Variants in CLDN14 observed in about 807,000 individuals in gnomAD.
The protein encoded by CLDN14 is claudin 14, also known as claudin-14.
A neutral mutation model predicts 2.1 loss-of-function variants in CLDN14; 2 were observed. The observed-to-expected ratio is 0.96, with a 90% CI of 0.39 to 3.01. The LOEUF is 3.01. Among genes scored for constraint, CLDN14 ranks in the 30% most tolerant of loss-of-function variants. The pLI is 0.09. For missense variants in CLDN14, 298 were observed against 328.0 expected (o/e 0.91, Z 0.71); for synonymous variants, 136 against 154.4 (o/e 0.88, Z 0.88).
chr21:36,483,299 T>G (rs2086865685), upstream of CLDN14, among the ~76,000 whole-genome samples: 1 of 152,164 alleles, frequency 6.6e-6, no homozygotes, highest in African/African-American at 2.4e-5. Flanking sequence ...CAGGAGGCCC[T>G]GAGGAGCGAG....
At chr21:36,546,368 C>T (rs1356552944) in intron 1 of CLDN14, among the ~76,000 whole-genome samples, 2 of 152,144 alleles carry the variant, frequency 1.3e-5, no homozygotes, top group Non-Finnish European at 2.9e-5. Flanking sequence ...TTTGAGAGTT[C>T]ATGGCTAGAA....
intron 1 of CLDN14, among the ~76,000 whole-genome samples, chr21:36,521,724 G>A (rs1310379427): frequency 6.6e-6 from 1 of 152,168 alleles, no homozygotes; most frequent in South Asian, 2.1e-4. Context: ...GACTGGAGAA[G>A]GCAAATGGTA....
chr21:36,565,723 T>G (rs2146526543), intron 1 of CLDN14, among the ~76,000 whole-genome samples: 1 of 152,304 alleles, frequency 6.6e-6, no homozygotes, highest in African/African-American at 2.4e-5. Flanking sequence ...GAGAGCAAAT[T>G]GGCCCCTACC....
At chr21:36,479,352 G>C (rs575958804) in intron 1 of CLDN14, 143 bp downstream of exon 1, 13 of 152,232 alleles carry the variant, frequency 8.5e-5, no homozygotes, top group African/African-American at 3.1e-4. Flanking sequence ...TCCTGTAGGG[G>C]CCAGCACGGT....
chr21:36,572,453 G>T (rs573415627), intron 1 of CLDN14, among the ~76,000 whole-genome samples: 1 of 152,250 alleles, frequency 6.6e-6, no homozygotes, highest in East Asian at 1.9e-4. Context: ...ACCCAGGTCT[G>T]CATGCTGGCC....
chr21:36,488,122 A>G, intron 2 of CLDN14, among the ~76,000 whole-genome samples: 1 of 152,220 alleles, frequency 6.6e-6, no homozygotes, highest in East Asian at 1.9e-4. Flanking sequence ...ATCCAGCCAG[A>G]AAAAGGAAGT....
At chr21:36,473,284 A>C (rs2146436108) in intron 1 of CLDN14, among the ~76,000 whole-genome samples, 1 of 152,216 alleles carries the variant, frequency 6.6e-6, no homozygotes, top group Non-Finnish European at 1.5e-5. Context: ...TGGAGGTCCC[A>C]CTATGTTGCC....
chr21:36,469,658 T>G (rs2086686269), intron 1 of CLDN14, among the ~76,000 whole-genome samples: 1 of 152,190 alleles, frequency 6.6e-6, no homozygotes. Flanking sequence ...AAACCATGGA[T>G]GCAGTTAAAT....
intron 2 of CLDN14, among the ~76,000 whole-genome samples, chr21:36,493,689 C>T (rs530324812): frequency 2.8e-4 from 43 of 152,196 alleles, no homozygotes; most frequent in African/African-American, 7.2e-4. Flanking sequence ...CATTGTGGAG[C>T]GGGAGCCTCT....
intron 1 of CLDN14, among the ~76,000 whole-genome samples, chr21:36,469,654 T>C (rs768101447): frequency 6.6e-6 from 1 of 152,164 alleles, no homozygotes; most frequent in Non-Finnish European, 1.5e-5. Context: ...ATGAAAACCA[T>C]GGATGCAGTT....
chr21:36,500,424 A>AT (rs1181815480), intron 2 of CLDN14, among the ~76,000 whole-genome samples: 3 of 152,134 alleles, frequency 2.0e-5, no homozygotes, highest in Non-Finnish European at 2.9e-5. Context: ...CATTCCATTC[A>AT]TTTTTTTAAA....
At chr21:36,519,663 T>G (rs779094802) in intron 1 of CLDN14, among the ~76,000 whole-genome samples, 6 of 152,068 alleles carry the variant, frequency 3.9e-5, no homozygotes, top group Non-Finnish European at 5.9e-5. Flanking sequence ...TGAGCTGAGA[T>G]CGCGCCACTG....
chr21:36,547,525 C>A (rs537192382), intron 1 of CLDN14, among the ~76,000 whole-genome samples: 1 of 152,156 alleles, frequency 6.6e-6, no homozygotes, highest in Non-Finnish European at 1.5e-5. Context: ...GGCTCAGCAG[C>A]GCCCGGGCCA....
chr21:36,529,020 C>T (rs1378473023), intron 1 of CLDN14, among the ~76,000 whole-genome samples: 6 of 152,208 alleles, frequency 3.9e-5, no homozygotes, highest in Non-Finnish European at 4.4e-5. Context: ...CTTTTATGCA[C>T]TCATTGGTAT....
At chr21:36,567,599 T>C (rs1402230354) in intron 1 of CLDN14, among the ~76,000 whole-genome samples, 1 of 152,266 alleles carries the variant, frequency 6.6e-6, no homozygotes, top group Non-Finnish European at 1.5e-5. Flanking sequence ...TTTATTACAA[T>C]GCTCTTGGTG....
intron 2 of CLDN14, among the ~76,000 whole-genome samples, chr21:36,505,211 AAAG>A (rs140301525): frequency 0.044 from 6,728 of 152,290 alleles, 489 homozygotes; most frequent in African/African-American, 0.15. Context: ...AATCTAATAA[AAAG>A]AAATCAGGAT....
intron 2 of CLDN14, among the ~76,000 whole-genome samples, chr21:36,496,719 AAGGG>A (rs1178582028): frequency 8.1e-5 from 3 of 37,020 alleles, no homozygotes; most frequent in African/African-American, 3.0e-4. Flanking sequence ...GGAGGGGAGG[AAGGG>A]AGGGAGGAAG....
chr21:36,486,131 A>T (rs781767663), intron 2 of CLDN14: 2 of 1,303,090 alleles, frequency 1.5e-6, no homozygotes, highest in Non-Finnish European at 2.2e-6. Context: ...AGGATCCTGC[A>T]TCACGTCGTA....
chr21:36,469,925 G>C (rs2086689185), intron 1 of CLDN14, among the ~76,000 whole-genome samples: 1 of 152,058 alleles, frequency 6.6e-6, no homozygotes, highest in East Asian at 1.9e-4. Context: ...AGTCAGGCAG[G>C]TTTGCTATGT....
Sources: gnomAD v4.1 joint callset for allele counts (sites outside exome capture counted in the v4.1 genomes callset) on GRCh38, gnomAD v4.1.1 for gene constraint, MANE v1.5 for transcripts, NCBI Gene and HGNC (gene_info 2026-07-23, HGNC 2026-07-21) for gene names.